CNBD1: variants seen among roughly 807,000 people sequenced by gnomAD.
The protein encoded by CNBD1 is cyclic nucleotide-binding domain-containing protein 1.
Under a neutral mutation model 54.4 loss-of-function variants are expected in CNBD1, and 71 were observed. The ratio of observed to expected loss-of-function variants is 1.30; its 90% CI spans 1.08 to 1.59. The LOEUF is 1.59. CNBD1 is among the 40% of genes most tolerant of loss of function. The probability of loss-of-function intolerance (pLI) is 0.00; values close to 1 mark genes in which losing one functional copy is unlikely to be tolerated. For missense variants in CNBD1, 659 were observed against 518.0 expected (o/e 1.27, Z -2.64); for synonymous variants, 182 against 170.7 (o/e 1.07, Z -0.51).
chr8:87,211,646 T>G (rs939774644), intron 5 of CNBD1, among the ~76,000 whole-genome samples: 2 of 152,162 alleles, frequency 1.3e-5, no homozygotes, highest in African/African-American at 4.8e-5. Flanking sequence ...TCTCTCTCCA[T>G]GTGATGCGTC....
At chr8:86,882,078 C>A (rs1808613770) in intron 1 of CNBD1, among the ~76,000 whole-genome samples, 1 of 152,080 alleles carries the variant, frequency 6.6e-6, no homozygotes, top group African/African-American at 2.4e-5. Context: ...ACTATAAAAA[C>A]CCTGTAAGAC....
intron 6 of CNBD1, among the ~76,000 whole-genome samples, chr8:87,258,047 T>C (rs951709543): frequency 2.0e-5 from 3 of 152,170 alleles, no homozygotes; most frequent in African/African-American, 7.2e-5. Flanking sequence ...ATTATTTTTA[T>C]GTTGACAATG....
intron 4 of CNBD1, among the ~76,000 whole-genome samples, chr8:87,096,353 T>C: frequency 6.6e-6 from 1 of 151,140 alleles, no homozygotes; most frequent in African/African-American, 2.4e-5. Flanking sequence ...CTTTTTTTTT[T>C]TTTTTTTTTT....
intron 4 of CNBD1, among the ~76,000 whole-genome samples, chr8:87,039,111 A>G (rs1391263142): frequency 1.3e-5 from 2 of 152,150 alleles, no homozygotes; most frequent in African/African-American, 2.4e-5. Context: ...CTCTTCTATT[A>G]TCTCTGTGTG....
intron 8 of CNBD1, among the ~76,000 whole-genome samples, chr8:87,320,808 C>G (rs1274197038): frequency 1.3e-5 from 2 of 152,100 alleles, no homozygotes; most frequent in Non-Finnish European, 2.9e-5. Context: ...CAGCATATCT[C>G]TCTAATATTT....
At chr8:87,252,616 A>G (rs1290451579) in intron 6 of CNBD1, among the ~76,000 whole-genome samples, 1 of 152,156 alleles carries the variant, frequency 6.6e-6, no homozygotes, top group Non-Finnish European at 1.5e-5. Flanking sequence ...TGCAACCTTG[A>G]TCCTGTTTTC....
chr8:87,277,354 C>G (rs1315963872), intron 6 of CNBD1, among the ~76,000 whole-genome samples: 6 of 151,732 alleles, frequency 4.0e-5, no homozygotes, highest in African/African-American at 1.5e-4. Context: ...GGAGGGCAAT[C>G]TGATTTACTC....
At chr8:87,189,606 G>A (rs1315675510) in intron 4 of CNBD1, among the ~76,000 whole-genome samples, 2 of 152,108 alleles carry the variant, frequency 1.3e-5, no homozygotes, top group African/African-American at 2.4e-5. Flanking sequence ...GGTTTTTTAA[G>A]CTTGAAAAGA....
intron 8 of CNBD1, among the ~76,000 whole-genome samples, chr8:87,334,290 G>T (rs576911878): frequency 6.6e-6 from 1 of 151,482 alleles, no homozygotes; most frequent in African/African-American, 2.4e-5. Flanking sequence ...TATTAGTCTA[G>T]CTAGCAACCT....
At chr8:87,017,387 G>A (rs897173800) in intron 4 of CNBD1, among the ~76,000 whole-genome samples, 6 of 152,084 alleles carry the variant, frequency 3.9e-5, no homozygotes, top group Non-Finnish European at 7.4e-5. Context: ...AGCATTTATT[G>A]GGGCTAATGG....
chr8:86,951,859 G>A (rs912291849), intron 4 of CNBD1, among the ~76,000 whole-genome samples: 1 of 151,870 alleles, frequency 6.6e-6, no homozygotes, highest in African/African-American at 2.4e-5. Context: ...AAATCAAGCT[G>A]GGAAGTACTT....
At chr8:87,092,154 C>G (rs1269402707) in intron 4 of CNBD1, among the ~76,000 whole-genome samples, 1 of 152,104 alleles carries the variant, frequency 6.6e-6, no homozygotes, top group Non-Finnish European at 1.5e-5. Flanking sequence ...ACTTATTTCA[C>G]CTCTAACTCT....
chr8:87,321,283 G>A (rs62526761), intron 8 of CNBD1, among the ~76,000 whole-genome samples: 1 of 152,092 alleles, frequency 6.6e-6, no homozygotes, highest in East Asian at 1.9e-4. Flanking sequence ...GCAACATTTC[G>A]CATTATCACC....
intron 4 of CNBD1, among the ~76,000 whole-genome samples, chr8:87,096,303 T>G (rs1811318890): frequency 6.6e-6 from 1 of 151,346 alleles, no homozygotes; most frequent in African/African-American, 2.4e-5. Flanking sequence ...CCCTATGTCA[T>G]CACATAGTGG....
intron 4 of CNBD1, among the ~76,000 whole-genome samples, chr8:86,955,276 A>C (rs1317496919): frequency 6.6e-6 from 1 of 152,294 alleles, no homozygotes; most frequent in East Asian, 1.9e-4. Flanking sequence ...TATTGTGAAT[A>C]GTGCCCCAAA....
chr8:87,194,499 T>C (rs1014613834), intron 4 of CNBD1, among the ~76,000 whole-genome samples: 2 of 152,232 alleles, frequency 1.3e-5, no homozygotes, highest in Non-Finnish European at 2.9e-5. Context: ...TAATAATATG[T>C]CACCAGTATT....
intron 4 of CNBD1, among the ~76,000 whole-genome samples, chr8:86,965,499 T>C (rs1318737122): frequency 6.6e-6 from 1 of 152,182 alleles, no homozygotes; most frequent in Non-Finnish European, 1.5e-5. Context: ...TCCTTAAGTC[T>C]GGCAACCATG....
chr8:87,102,781 T>A (rs1339229662), intron 4 of CNBD1, among the ~76,000 whole-genome samples: 2 of 151,920 alleles, frequency 1.3e-5, no homozygotes, highest in Non-Finnish European at 2.9e-5. Flanking sequence ...GCCCGGCTAA[T>A]TTTTTTGTAT....
intron 4 of CNBD1, among the ~76,000 whole-genome samples, chr8:87,137,229 T>G (rs1812274089): frequency 6.8e-6 from 1 of 146,866 alleles, no homozygotes; most frequent in Non-Finnish European, 1.5e-5. Flanking sequence ...CTATATAAAT[T>G]ACATATTATA....
Sources: allele counts gnomAD v4.1 joint callset (sites outside exome capture counted in the v4.1 genomes callset), GRCh38; gene constraint gnomAD v4.1.1; transcripts MANE v1.5; gene names NCBI Gene and HGNC (gene_info 2026-07-23, HGNC 2026-07-21).